HPSE2: variants seen among roughly 807,000 people sequenced by gnomAD.
HPSE2 encodes heparanase 2 (inactive).
In HPSE2, 38 loss-of-function variants were observed where a neutral mutation model predicts 60.5. That is an observed-to-expected ratio of 0.63 (90% confidence interval 0.48 to 0.82). The LOEUF (loss-of-function observed/expected upper bound fraction) is 0.82, where lower values mean the gene tolerates loss of function less well. HPSE2 is among the 40% of genes least tolerant of loss of function. HPSE2 has a pLI of 0.00. For synonymous variants in HPSE2, 295 were observed against 293.2 expected (o/e 1.01, Z -0.06); for missense variants, 713 against 740.4 (o/e 0.96, Z 0.43).
At chr10:99,069,566 T>C (rs536803218) in intron 3 of HPSE2, among the ~76,000 whole-genome samples, 13 of 151,152 alleles carry the variant, frequency 8.6e-5, no homozygotes, top group Non-Finnish European at 1.6e-4. Flanking sequence ...TTCTTCCCTC[T>C]CTCCTTCCCT....
At chr10:98,736,915 T>A (rs559023302) in intron 4 of HPSE2, among the ~76,000 whole-genome samples, 5 of 152,168 alleles carry the variant, frequency 3.3e-5, no homozygotes, top group Non-Finnish European at 7.4e-5. Context: ...ACATAGTTAA[T>A]GCAAGAATGA....
chr10:98,603,464 T>C (rs1301678308), intron 9 of HPSE2, among the ~76,000 whole-genome samples: 2 of 148,282 alleles, frequency 1.3e-5, no homozygotes, highest in South Asian at 4.3e-4. Flanking sequence ...AGAGTCTTGC[T>C]CTGTCGCCAG....
At chr10:99,104,545 A>C (rs180947321) in intron 3 of HPSE2, among the ~76,000 whole-genome samples, 1 of 152,342 alleles carries the variant, frequency 6.6e-6, no homozygotes, top group Non-Finnish European at 1.5e-5. Flanking sequence ...CATTTGACTC[A>C]GCCATCCCAT....
intron 3 of HPSE2, among the ~76,000 whole-genome samples, chr10:98,836,877 A>T (rs1288642266): frequency 6.6e-6 from 1 of 152,126 alleles, no homozygotes; most frequent in African/African-American, 2.4e-5. Context: ...CGTCTCTACT[A>T]AAAATACAAA....
At chr10:99,167,011 T>TTGTTTGTC (rs1372016821) in intron 2 of HPSE2, among the ~76,000 whole-genome samples, 1 of 151,992 alleles carries the variant, frequency 6.6e-6, no homozygotes, top group Non-Finnish European at 1.5e-5. Context: ...TTTTGTTTGT[T>TTGTTTGTC]TGTTTGTTTG....
intron 3 of HPSE2, among the ~76,000 whole-genome samples, chr10:98,799,413 T>C (rs2134516862): frequency 6.6e-6 from 1 of 152,288 alleles, no homozygotes; most frequent in South Asian, 2.1e-4. Flanking sequence ...ACATCGGACT[T>C]CATCTGCGCT....
intron 3 of HPSE2, among the ~76,000 whole-genome samples, chr10:98,931,396 G>A (rs1954637188): frequency 6.9e-6 from 1 of 144,100 alleles, no homozygotes; most frequent in Admixed American, 6.9e-5. Flanking sequence ...TTGAAGTTGG[G>A]TAGCATGATG....
chr10:98,632,791 A>G (rs888259707), intron 7 of HPSE2, among the ~76,000 whole-genome samples: 1 of 152,186 alleles, frequency 6.6e-6, no homozygotes, highest in African/African-American at 2.4e-5. Context: ...TTTTCCTTAT[A>G]AAGGTCCCCA....
At position 98,973,824 on chromosome 10, in the gene HPSE2, T is replaced by C. The variant is rs1463572833; in HGVS notation, c.610+170414A>G. Among the ~76,000 whole-genome samples the C allele has an allele frequency of 2.0e-5, 3 of 150,900 alleles. No homozygotes were observed. The East Asian group carries it at 6.0e-4, about 30-fold the overall frequency. On this transcript the variant is annotated intron_variant, in intron 3 of 11. Coordinates refer to ENST00000370552, the MANE Select transcript of HPSE2 (RefSeq NM_021828.5). ...CTTTCCTTTCTACTAATTTGTATTT[T>C]CCATATTGCCTATAATGAGTAAAAA...
chr10:99,115,261 C>T (rs1844639791), intron 3 of HPSE2, among the ~76,000 whole-genome samples: 1 of 151,012 alleles, frequency 6.6e-6, no homozygotes, highest in Admixed American at 6.6e-5. Context: ...TCACCCCATT[C>T]TCCTGCCTCA....
intron 3 of HPSE2, among the ~76,000 whole-genome samples, chr10:98,884,128 G>A (rs376254028): frequency 7.9e-5 from 12 of 152,244 alleles, no homozygotes; most frequent in African/African-American, 2.6e-4. Context: ...AATTCCCTTA[G>A]GCAAAAGCCT....
At chr10:98,878,746 CAA>C (rs1172606937) in intron 3 of HPSE2, among the ~76,000 whole-genome samples, 4 of 151,978 alleles carry the variant, frequency 2.6e-5, no homozygotes, top group East Asian at 3.9e-4. Context: ...TTTAAACAAA[CAA>C]GAGATCGAAT....
chr10:99,186,238 T>C (rs1007699058), intron 2 of HPSE2, among the ~76,000 whole-genome samples: 1 of 150,934 alleles, frequency 6.6e-6, no homozygotes, highest in African/African-American at 2.4e-5. Flanking sequence ...ACATTGCCTA[T>C]AAAGGAATAA....
chr10:99,198,945 G>A (rs1413958517), intron 2 of HPSE2, among the ~76,000 whole-genome samples: 1 of 152,066 alleles, frequency 6.6e-6, no homozygotes, highest in Non-Finnish European at 1.5e-5. Flanking sequence ...TGCAATATTT[G>A]TCCTTCTGTG....
intron 3 of HPSE2, among the ~76,000 whole-genome samples, chr10:98,936,998 A>C (rs1354487718): frequency 1.4e-5 from 2 of 139,698 alleles, no homozygotes; most frequent in African/African-American, 3.1e-5. Flanking sequence ...AAAAAAAAAA[A>C]AAAAAAACAA....
At chr10:99,256,331 C>T in the HPSE2 span, among the ~76,000 whole-genome samples, 1 of 22,400 alleles carries the variant, frequency 4.5e-5, no homozygotes, top group African/African-American at 1.7e-4. Flanking sequence ...TGATCTCTTG[C>T]TCTTTCTTGC....
intron 3 of HPSE2, among the ~76,000 whole-genome samples, chr10:99,007,181 G>A (rs1956914204): frequency 6.6e-6 from 1 of 152,156 alleles, no homozygotes; most frequent in South Asian, 2.1e-4. Flanking sequence ...TAGACCTGGA[G>A]TGTAGAGCTT....
intron 6 of HPSE2, among the ~76,000 whole-genome samples, chr10:98,688,745 G>C (rs1947994305): frequency 6.6e-6 from 1 of 151,194 alleles, no homozygotes. Flanking sequence ...CAAAGTGTTG[G>C]GATTACAGGC....
intron 9 of HPSE2, among the ~76,000 whole-genome samples, chr10:98,555,608 T>C (rs1467226138): frequency 2.0e-5 from 3 of 152,248 alleles, no homozygotes; most frequent in African/African-American, 4.8e-5. Context: ...CGTGATTCTA[T>C]ACTTAACTAT....
Sources: allele counts gnomAD v4.1 joint callset (sites outside exome capture counted in the v4.1 genomes callset), GRCh38; gene constraint gnomAD v4.1.1; transcripts MANE v1.5; gene names NCBI Gene and HGNC (gene_info 2026-07-23, HGNC 2026-07-21).